The following CADM2 variants were observed in gnomAD, a reference collection of about 807,000 sequenced individuals.
CADM2 encodes immunoglobulin superfamily member 4D.
In CADM2, 12 loss-of-function variants were observed where a neutral mutation model predicts 49.8. The observed-to-expected ratio is 0.24, with a 90% CI of 0.15 to 0.39. The LOEUF is 0.39. Ranked by LOEUF, CADM2 falls within the 10% of genes least tolerant of loss-of-function variation. The pLI is 1.00. For missense variants in CADM2, 378 were observed against 492.3 expected (o/e 0.77, Z 2.20); for synonymous variants, 214 against 175.4 (o/e 1.22, Z -1.74).
At position 85,801,023 on chromosome 3, in the gene CADM2, T is replaced by A. The variant is rs575813823; in HGVS notation, c.89-1024T>A. ...ATAGTGTTCTTGCATATGTAAATTA[T>A]CCTTGACTTAATGAACTCCCTTGCT... On this transcript the variant is annotated intron_variant, in intron 2 of 9. Coordinates refer to ENST00000383699, the MANE Select transcript of CADM2 (RefSeq NM_001167675.2). 3.9e-5 allele frequency: 6 copies of A among 152,364 alleles called. No homozygotes were observed. The South Asian group carries it at 1.0e-3, about 26-fold the overall frequency. 9.4% of individuals were successfully genotyped at this position (152,364 alleles called of 1,614,324 possible). A position where few individuals can be genotyped will look rare whatever the true frequency, so the allele number is the denominator to read the frequency against.
chr3:85,823,777 C>T (rs1241424677), intron 3 of CADM2, among the ~76,000 whole-genome samples: 5 of 151,962 alleles, frequency 3.3e-5, no homozygotes, highest in Non-Finnish European at 7.4e-5. Context: ...AGTGGATGAC[C>T]TTGTAGAGAA....
chr3:85,012,928 A>C (rs1213560677), intron 1 of CADM2, among the ~76,000 whole-genome samples: 1 of 151,788 alleles, frequency 6.6e-6, no homozygotes, highest in Non-Finnish European at 1.5e-5. Context: ...TTTTCCATTG[A>C]TGTTTTACTA....
chr3:85,028,489 A>G (rs1445396983), intron 1 of CADM2, among the ~76,000 whole-genome samples: 1 of 152,184 alleles, frequency 6.6e-6, no homozygotes, highest in Non-Finnish European at 1.5e-5. Context: ...AATTAAAAAA[A>G]TTGTATAATT....
chr3:85,424,176 C>A (rs913223286), intron 1 of CADM2, among the ~76,000 whole-genome samples: 2 of 151,916 alleles, frequency 1.3e-5, no homozygotes, highest in African/African-American at 4.8e-5. Context: ...TAAATAAATT[C>A]ATTTCACACA....
chr3:85,243,143 G>T (rs1233570179), intron 1 of CADM2, among the ~76,000 whole-genome samples: 1 of 151,638 alleles, frequency 6.6e-6, no homozygotes, highest in Non-Finnish European at 1.5e-5. Flanking sequence ...TGTATTAAAT[G>T]GAAAGTTTTC....
At chr3:85,561,687 A>T (rs905899384) in intron 1 of CADM2, among the ~76,000 whole-genome samples, 1 of 152,188 alleles carries the variant, frequency 6.6e-6, no homozygotes, top group Non-Finnish European at 1.5e-5. Context: ...GGCATTGAGG[A>T]TGTGGCCGTG....
intron 6 of CADM2, among the ~76,000 whole-genome samples, chr3:85,912,926 C>G (rs1717812910): frequency 6.6e-6 from 1 of 152,076 alleles, no homozygotes; most frequent in African/African-American, 2.4e-5. Flanking sequence ...GCAATTGTGG[C>G]TTCTCAGCTA....
chr3:85,177,631 TA>T (rs144638060), intron 1 of CADM2, among the ~76,000 whole-genome samples: 14,885 of 151,938 alleles, frequency 0.098, 915 homozygotes, highest in African/African-American at 0.17. Context: ...TGTATAAATG[TA>T]AATATTTTAA....
At chr3:85,772,708 C>T (rs1046098217) in intron 2 of CADM2, among the ~76,000 whole-genome samples, 8 of 151,810 alleles carry the variant, frequency 5.3e-5, no homozygotes, top group Non-Finnish European at 1.2e-4. Flanking sequence ...GGATATTTTG[C>T]AAACCTTAAA....
rs199889714 is a variant in CADM2, at chr3:85,930,938, GTTAA to G, written c.701-4819_701-4816del. Among the ~76,000 whole-genome samples the G allele has an allele frequency of 8.1e-3, 1,219 of 149,794 alleles. 20 individuals carry two copies. The highest frequency in any genetic ancestry group is 0.073 in the South Asian group (349 of 4,776). The stretch of plus-strand genomic sequence containing the variant: ...TAATTATATTACTTAATAATTAAAT[GTTAA>G]TTAATTAATAGTTCAGATTAATTAT... On this transcript the variant is annotated intron_variant, in intron 6 of 9. Coordinates refer to ENST00000383699, the MANE Select transcript of CADM2 (RefSeq NM_001167675.2).
At chr3:85,985,007 G>A (rs1007861578) in intron 8 of CADM2, among the ~76,000 whole-genome samples, 1 of 151,888 alleles carries the variant, frequency 6.6e-6, no homozygotes, top group African/African-American at 2.4e-5. Flanking sequence ...TAGAACTAGA[G>A]TTATATTGAC....
chr3:85,458,798 G>T (rs1192314377), intron 1 of CADM2, among the ~76,000 whole-genome samples: 2 of 151,934 alleles, frequency 1.3e-5, no homozygotes, highest in African/African-American at 2.4e-5. Flanking sequence ...AAAAATCAAA[G>T]AAACTTTCAC....
At chr3:85,567,945 C>T (rs974994319) in intron 1 of CADM2, among the ~76,000 whole-genome samples, 1 of 152,142 alleles carries the variant, frequency 6.6e-6, no homozygotes, top group Non-Finnish European at 1.5e-5. Context: ...GAAGGGAGGC[C>T]CCGCTCTAGG....
intron 2 of CADM2, among the ~76,000 whole-genome samples, chr3:85,733,596 T>G (rs545384285): frequency 6.6e-6 from 1 of 152,210 alleles, no homozygotes; most frequent in Admixed American, 6.5e-5. Flanking sequence ...TTTCTCCATC[T>G]CTCTTTGTTT....
At chr3:85,016,815 A>AG (rs2034269335) in intron 1 of CADM2, among the ~76,000 whole-genome samples, 4 of 152,170 alleles carry the variant, frequency 2.6e-5, no homozygotes, top group African/African-American at 9.6e-5. Flanking sequence ...AAAGAAAAAG[A>AG]AAAGAAAAGA....
chr3:85,809,788 C>CTT lies in CADM2; in HGVS notation c.238+7593_238+7594insTT, dbSNP rs1369404884. 8.3e-3 allele frequency among the ~76,000 whole-genome samples: 907 copies of CTT among 109,630 alleles called. 67 individuals carry two copies. The highest frequency in any genetic ancestry group is 0.012 in the African/African-American group (314 of 26,504). The allele number at this position is 109,630 out of a possible 152,430, so 71.9% of individuals were successfully genotyped here. ...CCTCTCTCTCTCTCTCTCTCTCTCT[C>CTT]TCTCTTTCTTTCTTTCTTTCTTTCT... On this transcript the variant is annotated intron_variant, in intron 3 of 9. Transcript: ENST00000383699.
intron 1 of CADM2, among the ~76,000 whole-genome samples, chr3:85,632,948 A>C (rs2064356773): frequency 6.6e-6 from 1 of 152,074 alleles, no homozygotes. Flanking sequence ...AAAATAAAAT[A>C]ACTTGAGTAT....
At chr3:85,364,424 A>G (rs2032593604) in intron 1 of CADM2, among the ~76,000 whole-genome samples, 1 of 152,194 alleles carries the variant, frequency 6.6e-6, no homozygotes, top group Admixed American at 6.5e-5. Flanking sequence ...GTTTTTCCTC[A>G]GTAGAATTAT....
chr3:85,954,551 C>T (rs1481056365), intron 7 of CADM2, among the ~76,000 whole-genome samples: 1 of 151,082 alleles, frequency 6.6e-6, no homozygotes, highest in Non-Finnish European at 1.5e-5. Context: ...GCAACCCCAG[C>T]TTCTAATATT....
Sources: allele counts gnomAD v4.1 joint callset (sites outside exome capture counted in the v4.1 genomes callset), GRCh38; gene constraint gnomAD v4.1.1; transcripts MANE v1.5; gene names NCBI Gene and HGNC (gene_info 2026-07-23, HGNC 2026-07-21).